Variants in DPYD observed in about 807,000 individuals in gnomAD.
The protein encoded by DPYD is dihydropyrimidine dehydrogenase [NADP(+)].
In DPYD, 109 loss-of-function variants were observed where a neutral mutation model predicts 116.2. The ratio of observed to expected loss-of-function variants is 0.94; its 90% confidence interval spans 0.80 to 1.10. DPYD has a LOEUF of 1.10. DPYD is among the 50% of genes least tolerant of loss of function. The pLI is 0.00. For synonymous variants in DPYD, 440 were observed against 432.0 expected (o/e 1.02, Z -0.23); for missense variants, 1,302 against 1,254.5 (o/e 1.04, Z -0.57).
At chr1:97,740,338 G>C (rs1664191373) in intron 4 of DPYD, 54 bp downstream of exon 4, 29 of 1,439,618 alleles carry the variant, frequency 2.0e-5, no homozygotes, top group Admixed American at 3.4e-5. Flanking sequence ...ACAGATAATA[G>C]AGAACAAGAT....
intron 4 of DPYD, among the ~76,000 whole-genome samples, chr1:97,736,686 C>A (rs1011820121): frequency 2.6e-5 from 4 of 152,086 alleles, no homozygotes; most frequent in African/African-American, 9.7e-5. Context: ...ACCCATAATA[C>A]ATAGGCCAAA....
chr1:97,898,766 A>T, intron 1 of DPYD, among the ~76,000 whole-genome samples: 1 of 151,848 alleles, frequency 6.6e-6, no homozygotes, highest in African/African-American at 2.4e-5. Context: ...CACTGTTTTC[A>T]TGGTAGTGAA....
At chr1:97,723,376 T>C (rs1307828314) in intron 4 of DPYD, among the ~76,000 whole-genome samples, 3 of 151,566 alleles carry the variant, frequency 2.0e-5, no homozygotes, top group African/African-American at 7.3e-5. Flanking sequence ...TAAAGCATAC[T>C]GTTCATGGCT....
chr1:97,866,588 A>G (rs551273836), intron 2 of DPYD, among the ~76,000 whole-genome samples: 1 of 152,034 alleles, frequency 6.6e-6, no homozygotes, highest in Admixed American at 6.6e-5. Context: ...TGCTCTCAGG[A>G]AACTTGAACC....
intron 3 of DPYD, among the ~76,000 whole-genome samples, chr1:97,766,500 T>C (rs1187383895): frequency 6.6e-6 from 1 of 152,040 alleles, no homozygotes; most frequent in African/African-American, 2.4e-5. Context: ...CTTATAGTCT[T>C]CCCATTTGGC....
intron 15 of DPYD, among the ~76,000 whole-genome samples, chr1:97,376,887 G>GTGTGTGTGTGTGTATATATATA: frequency 7.0e-5 from 9 of 128,456 alleles, no homozygotes; most frequent in African/African-American, 2.3e-4. Context: ...GTGTGTGTGT[G>GTGTGTGTGTGTGTATATATATA]TATATATATA....
intron 10 of DPYD, among the ~76,000 whole-genome samples, chr1:97,592,836 T>C (rs1654615107): frequency 6.6e-6 from 1 of 152,224 alleles, no homozygotes; most frequent in African/African-American, 2.4e-5. Context: ...TAAATTGGCT[T>C]ACGGAAAATT....
At chr1:97,920,688 C>A (rs1007705125) in intron 1 of DPYD, among the ~76,000 whole-genome samples, 196 bp downstream of exon 1, 1 of 152,198 alleles carries the variant, frequency 6.6e-6, no homozygotes, top group African/African-American at 2.4e-5. Flanking sequence ...GGAAAGTCCT[C>A]CCCTGAGCTC....
chr1:97,156,545 T>G (rs1655474187), intron 20 of DPYD, among the ~76,000 whole-genome samples: 1 of 152,070 alleles, frequency 6.6e-6, no homozygotes, highest in African/African-American at 2.4e-5. Context: ...ATCGGAGAAA[T>G]GCAAATCAAA....
intron 9 of DPYD, among the ~76,000 whole-genome samples, chr1:97,594,475 G>A (rs2102256861): frequency 1.3e-5 from 2 of 152,280 alleles, no homozygotes; most frequent in East Asian, 3.9e-4. Context: ...AGGAATAGCT[G>A]TGGCTCAGAC....
At chr1:97,382,612 G>A in intron 14 of DPYD, 151 bp from the exon 15 acceptor site, 1 of 466,920 alleles carries the variant, frequency 2.1e-6, no homozygotes, top group South Asian at 5.3e-5. Flanking sequence ...AAAATAGCAG[G>A]GTAAGATAGC....
In DPYD at chr1:97,562,883, C is replaced by T. The variant is rs564305043; in HGVS notation, c.1339+10877G>A. Reference sequence around the variant, plus strand: ...TACAGGTGTGCGCCATTACACCTGGCTAATTTTTGTTTTTTCAGTAGAGAC... The same window carrying T: ...TACAGGTGTGCGCCATTACACCTGGTTAATTTTTGTTTTTTCAGTAGAGAC... On this transcript the variant is annotated intron_variant, in intron 11 of 22. Coordinates refer to ENST00000370192, the MANE Select transcript of DPYD (RefSeq NM_000110.4). 3.9e-4 allele frequency among the ~76,000 whole-genome samples: 59 copies of T among 152,072 alleles called. 1 individual carries two copies. The highest frequency in any genetic ancestry group is 3.7e-3 in the Admixed American group (56 of 15,266).
In DPYD at chr1:97,484,469, C is replaced by A. The variant is rs549937024; in HGVS notation, c.1740+31257G>T. 1.6e-4 allele frequency among the ~76,000 whole-genome samples: 25 copies of A among 152,268 alleles called. No individual in the cohort carries two copies. In the Middle Eastern group the frequency reaches 0.014, roughly 83 times the overall value. On this transcript the variant is annotated intron_variant, in intron 13 of 22. Transcript: ENST00000370192. Reference sequence around the variant, plus strand: ...TCTTCCTAAATCCATGTTTAGAAATCTGAAGATGGTAAATATTGGTGCGGG... The same window carrying A: ...TCTTCCTAAATCCATGTTTAGAAATATGAAGATGGTAAATATTGGTGCGGG...
chr1:97,510,733 T>A (rs1308611606), intron 13 of DPYD, among the ~76,000 whole-genome samples: 2 of 151,992 alleles, frequency 1.3e-5, no homozygotes, highest in Non-Finnish European at 2.9e-5. Context: ...TTTACCTACT[T>A]CATGAACATA....
intron 1 of DPYD, 86 bp from the exon 2 acceptor site, chr1:97,883,460 T>C (rs1672329072): frequency 9.8e-7 from 1 of 1,017,760 alleles, no homozygotes; most frequent in Non-Finnish European, 1.5e-6. Context: ...TTATTTATTT[T>C]GAGACACGGT....
chr1:97,525,978 A>AGTGTGTGTGTGT (rs71071658), intron 12 of DPYD, among the ~76,000 whole-genome samples: 2,035 of 138,178 alleles, frequency 0.015, 26 homozygotes, highest in South Asian at 0.032. Flanking sequence ...GGTAATTAAG[A>AGTGTGTGTGTGT]GTGTGTGTGT....
chr1:97,646,009 T>C (rs1166228985), intron 8 of DPYD, among the ~76,000 whole-genome samples: 1 of 152,134 alleles, frequency 6.6e-6, no homozygotes, highest in African/African-American at 2.4e-5. Flanking sequence ...TCTAATATTT[T>C]CTCTTCAGTA....
intron 18 of DPYD, among the ~76,000 whole-genome samples, chr1:97,245,670 T>C (rs1220276475): frequency 1.3e-5 from 2 of 152,150 alleles, no homozygotes; most frequent in Non-Finnish European, 2.9e-5. Context: ...CATTTTACTC[T>C]TGGGAGAATC....
chr1:97,299,669 A>C (rs1396782826), intron 18 of DPYD, among the ~76,000 whole-genome samples: 3 of 152,134 alleles, frequency 2.0e-5, no homozygotes, highest in Admixed American at 2.0e-4. Context: ...GCATCTCATA[A>C]ACTGCTATTC....
Sources: gnomAD v4.1 joint callset for allele counts (sites outside exome capture counted in the v4.1 genomes callset) on GRCh38, gnomAD v4.1.1 for gene constraint, MANE v1.5 for transcripts, NCBI Gene and HGNC (gene_info 2026-07-23, HGNC 2026-07-21) for gene names.